The following CEP112 variants were observed in gnomAD, a reference collection of about 807,000 sequenced individuals.
CEP112 encodes the protein centrosomal protein of 112 kDa.
A neutral mutation model predicts 153.0 loss-of-function variants in CEP112; 127 were observed. The observed-to-expected ratio is 0.83, with a 90% CI of 0.72 to 0.96. CEP112 has a LOEUF of 0.96. Among genes scored for constraint, CEP112 ranks in the 40% least tolerant of loss-of-function variants. CEP112 has a pLI of 0.00. For synonymous variants in CEP112, 358 were observed against 374.4 expected (o/e 0.96, Z 0.51); for missense variants, 1,089 against 1,101.2 (o/e 0.99, Z 0.16).
At chr17:65,757,921 G>A (rs1422955419) in intron 21 of CEP112, among the ~76,000 whole-genome samples, 1 of 152,060 alleles carries the variant, frequency 6.6e-6, no homozygotes, top group East Asian at 1.9e-4. Flanking sequence ...GCTATCATTT[G>A]TATATAGAAA....
intron 22 of CEP112, among the ~76,000 whole-genome samples, chr17:65,744,411 C>G (rs1394455688): frequency 6.6e-6 from 1 of 152,044 alleles, no homozygotes; most frequent in Non-Finnish European, 1.5e-5. Context: ...CCAGGCCTGG[C>G]TAATTTTTGT....
At chr17:65,990,468 G>A (rs954480428) in intron 17 of CEP112, among the ~76,000 whole-genome samples, 26 of 152,212 alleles carry the variant, frequency 1.7e-4, no homozygotes, top group African/African-American at 5.3e-4. Context: ...GTGCTCTTGG[G>A]AGAAGGAGAG....
chr17:65,637,304 G>T, intron 25 of CEP112, 116 bp from the exon 26 acceptor site: 1 of 737,786 alleles, frequency 1.4e-6, no homozygotes, highest in Non-Finnish European at 2.4e-6. Context: ...AAACTCAGAG[G>T]ATTTGTTGAA....
At chr17:65,750,960 G>T in intron 21 of CEP112, 1 of 429,902 alleles carries the variant, frequency 2.3e-6, no homozygotes, top group Non-Finnish European at 4.1e-6. Flanking sequence ...TCTGTGGATA[G>T]AAAGAGAAAG....
At chr17:66,097,368 T>C (rs574913395) in intron 6 of CEP112, among the ~76,000 whole-genome samples, 2 of 152,314 alleles carry the variant, frequency 1.3e-5, no homozygotes, top group South Asian at 4.1e-4. Context: ...CCCTGGATGC[T>C]AGTTCCCTTT....
At chr17:66,005,910 C>A in intron 16 of CEP112, 141 bp from the exon 17 acceptor site, 1 of 711,884 alleles carries the variant, frequency 1.4e-6, no homozygotes, top group South Asian at 2.5e-5. Context: ...GAAACTTGGT[C>A]TACCATAGAA....
chr17:65,971,102 C>T (rs938193282), intron 17 of CEP112, among the ~76,000 whole-genome samples: 12 of 152,160 alleles, frequency 7.9e-5, no homozygotes, highest in African/African-American at 2.9e-4. Flanking sequence ...TTACATGGTA[C>T]ATTGCATGTT....
intron 23 of CEP112, among the ~76,000 whole-genome samples, chr17:65,694,544 T>C (rs2048270441): frequency 6.6e-6 from 1 of 152,236 alleles, no homozygotes; most frequent in African/African-American, 2.4e-5. Context: ...AAAGCAGTTG[T>C]ATTTAGAAAT....
At chr17:66,086,500 G>T (rs2067943016) in intron 8 of CEP112, among the ~76,000 whole-genome samples, 1 of 143,454 alleles carries the variant, frequency 7.0e-6, no homozygotes, top group African/African-American at 2.6e-5. Flanking sequence ...GCCTCCCGGG[G>T]TCATGCCACT....
At chr17:65,849,631 T>G (rs2057854923) in intron 21 of CEP112, among the ~76,000 whole-genome samples, 1 of 152,218 alleles carries the variant, frequency 6.6e-6, no homozygotes, top group African/African-American at 2.4e-5. Context: ...ATTGGATGTG[T>G]TATATGTCTG....
At chr17:65,838,724 G>C (rs2057410224) in intron 21 of CEP112, among the ~76,000 whole-genome samples, 1 of 151,574 alleles carries the variant, frequency 6.6e-6, no homozygotes, top group Non-Finnish European at 1.5e-5. Context: ...TTTTAAAAAA[G>C]ATAAGCAAAA....
chr17:66,060,505 TACTTCAA>T (rs1417922661), intron 11 of CEP112, among the ~76,000 whole-genome samples: 2 of 152,114 alleles, frequency 1.3e-5, no homozygotes, highest in Non-Finnish European at 2.9e-5. Flanking sequence ...CATGAAAATA[TACTTCAA>T]ACTTGTAGTA....
intron 10 of CEP112, among the ~76,000 whole-genome samples, chr17:66,064,483 C>G (rs369472357): frequency 6.6e-6 from 1 of 152,114 alleles, no homozygotes; most frequent in Non-Finnish European, 1.5e-5. Flanking sequence ...AAATTCAGCT[C>G]TATTTTTAAT....
At chr17:66,168,898 G>A (rs1568570839) in intron 4 of CEP112, among the ~76,000 whole-genome samples, 1 of 152,024 alleles carries the variant, frequency 6.6e-6, no homozygotes. Context: ...TGCTACTTCT[G>A]CCTCCTGACC....
intron 21 of CEP112, among the ~76,000 whole-genome samples, chr17:65,789,934 C>G (rs2054498787): frequency 6.6e-6 from 1 of 152,152 alleles, no homozygotes; most frequent in South Asian, 2.1e-4. Context: ...CCCTTCTACT[C>G]CAAGTCTATA....
At position 65,951,093 on chromosome 17, in the gene CEP112, G is replaced by T. The variant is rs192011089; in HGVS notation, c.1872+10370C>A. Among the ~76,000 whole-genome samples the T allele has an allele frequency of 5.3e-5, 8 of 152,130 alleles. No individual in the cohort carries two copies. The East Asian group carries it at 1.4e-3, about 26-fold the overall frequency. On this transcript the variant is annotated intron_variant, in intron 18 of 26. Coordinates refer to ENST00000535342, the MANE Select transcript of CEP112 (RefSeq NM_001199165.4). Reference sequence around the variant, plus strand: ...GGATTCCTGCGACAAATCCCGCTTGGTCGTGGTGTATAATTGTCTGTATAT... The same window carrying T: ...GGATTCCTGCGACAAATCCCGCTTGTTCGTGGTGTATAATTGTCTGTATAT...
chr17:65,954,683 G>A (rs1195057230), intron 18 of CEP112, among the ~76,000 whole-genome samples: 1 of 151,996 alleles, frequency 6.6e-6, no homozygotes, highest in African/African-American at 2.4e-5. Flanking sequence ...ATAATGTCTG[G>A]AAATCAAGGA....
intron 23 of CEP112, among the ~76,000 whole-genome samples, chr17:65,710,014 T>C (rs1253215970): frequency 6.6e-6 from 1 of 152,178 alleles, no homozygotes; most frequent in Non-Finnish European, 1.5e-5. Context: ...GCCAGCAGCG[T>C]TGTAGGATCT....
rs181201285 is a variant in CEP112 at position 65,731,159 on chromosome 17, G to A, written c.2607+11909C>T. On this transcript the variant is annotated intron_variant, in intron 23 of 26. Coordinates refer to ENST00000535342, the MANE Select transcript of CEP112 (RefSeq NM_001199165.4). ...ACTTGGCTTTGGCATACAGCCTTTT[G>A]TGGGCATTGCCCCTGGAGTATACAA... Among the ~76,000 whole-genome samples, 2 of 152,174 alleles carry A rather than the reference G, an allele frequency of 1.3e-5. 1 individual carries two copies. The highest frequency in any genetic ancestry group is 2.9e-5 in the Non-Finnish European group (2 of 68,006).
Sources: gnomAD v4.1 joint callset for allele counts (sites outside exome capture counted in the v4.1 genomes callset) on GRCh38, gnomAD v4.1.1 for gene constraint, MANE v1.5 for transcripts, NCBI Gene and HGNC (gene_info 2026-07-23, HGNC 2026-07-21) for gene names.